Variants in LANCL2 observed in about 807,000 individuals in gnomAD.
LANCL2 encodes LanC like glutathione S-transferase 2.
LANCL2 carries 33 observed loss-of-function variants against 56.9 expected under a neutral mutation model. The observed-to-expected ratio is 0.58, with a 90% CI of 0.44 to 0.78. The LOEUF (loss-of-function observed/expected upper bound fraction) is 0.78. Among genes scored for constraint, LANCL2 ranks in the 30% least tolerant of loss-of-function variants. The probability of loss-of-function intolerance (pLI) is 0.00; values close to 1 mark genes in which losing one functional copy is unlikely to be tolerated. For missense variants in LANCL2, 562 were observed against 580.2 expected (o/e 0.97, Z 0.32); for synonymous variants, 233 against 228.2 (o/e 1.02, Z -0.19).
rs1443050068 is a variant in LANCL2 at position 55,432,967 on chromosome 7, G to A, written c.*1647G>A. On this transcript the variant is annotated 3_prime_UTR_variant, in exon 9 of 9. Transcript: ENST00000254770. The stretch of plus-strand genomic sequence containing the variant: ...AGGATGCTGTCGTCAATGAGCTGAG[G>A]GTAGCTGCTTTGCTGAAGACCTCAC... 1.3e-5 allele frequency: 2 copies of A among 152,248 alleles called. No individual in the cohort carries two copies. The highest frequency in any genetic ancestry group is 2.9e-5 in the Non-Finnish European group (2 of 68,054). The allele number at this position is 152,248 out of a possible 1,614,324, so 9.4% of individuals were successfully genotyped here. A position where few individuals can be genotyped will look rare whatever the true frequency, so the allele number is the denominator to read the frequency against.
intron 1 of LANCL2, among the ~76,000 whole-genome samples, chr7:55,366,497 G>A (rs954847369): frequency 2.6e-5 from 4 of 152,324 alleles, no homozygotes; most frequent in East Asian, 1.9e-4. Flanking sequence ...TTCTTGGCCC[G>A]AGCGGCGCTT....
intron 5 of LANCL2, among the ~76,000 whole-genome samples, chr7:55,409,894 A>T (rs1790453109): frequency 6.6e-6 from 1 of 152,230 alleles, no homozygotes; most frequent in Non-Finnish European, 1.5e-5. Flanking sequence ...AATTCAGTGT[A>T]TTTCCTGTTT....
intron 6 of LANCL2, among the ~76,000 whole-genome samples, chr7:55,419,056 T>G (rs1433223773): frequency 1.3e-5 from 2 of 152,134 alleles, no homozygotes; most frequent in African/African-American, 4.8e-5. Flanking sequence ...TTTATGTTTC[T>G]TAGTACATAT....
At chr7:55,374,193 T>C (rs191486385) in intron 1 of LANCL2, among the ~76,000 whole-genome samples, 1 of 150,628 alleles carries the variant, frequency 6.6e-6, no homozygotes, top group African/African-American at 2.5e-5. Flanking sequence ...TGGTTCTTTA[T>C]TGCAATTGTA....
chr7:55,428,137 C>G, intron 7 of LANCL2: 2 of 566,642 alleles, frequency 3.5e-6, no homozygotes, highest in Non-Finnish European at 3.2e-6. Flanking sequence ...TCGGTTTTCA[C>G]CTCGGACTTC....
intron 1 of LANCL2, among the ~76,000 whole-genome samples, chr7:55,381,571 C>T (rs1257000428): frequency 6.6e-6 from 1 of 152,196 alleles, no homozygotes; most frequent in Non-Finnish European, 1.5e-5. Context: ...ATTCCAGATG[C>T]AGGGCAAAGT....
At chr7:55,405,639 C>T (rs1790397369) in intron 5 of LANCL2, among the ~76,000 whole-genome samples, 1 of 151,480 alleles carries the variant, frequency 6.6e-6, no homozygotes, top group Admixed American at 6.6e-5. Flanking sequence ...CAGGCGTCCA[C>T]CACCATGCCT....
intron 1 of LANCL2, among the ~76,000 whole-genome samples, chr7:55,377,639 C>G (rs1562856976): frequency 1.3e-5 from 2 of 152,196 alleles, no homozygotes; most frequent in South Asian, 4.1e-4. Context: ...AGTGACACCT[C>G]ACAAGGGGTT....
At chr7:55,383,102 C>G (rs537325451) in intron 1 of LANCL2, among the ~76,000 whole-genome samples, 1 of 152,144 alleles carries the variant, frequency 6.6e-6, no homozygotes, top group Non-Finnish European at 1.5e-5. Flanking sequence ...ACTAAAAATA[C>G]AAAAAATTAG....
chr7:55,424,823 G>T (rs1790645567), intron 6 of LANCL2, among the ~76,000 whole-genome samples: 1 of 152,232 alleles, frequency 6.6e-6, no homozygotes, highest in Non-Finnish European at 1.5e-5. Flanking sequence ...TACTGTCTGA[G>T]CTCTGCCACC....
chr7:55,371,057 G>A (rs1240681624), intron 1 of LANCL2, among the ~76,000 whole-genome samples: 3 of 152,034 alleles, frequency 2.0e-5, no homozygotes, highest in Non-Finnish European at 4.4e-5. Context: ...TATTCACTTA[G>A]CGTGAATCCC....
intron 1 of LANCL2, 44 bp from the exon 2 acceptor site, chr7:55,391,749 C>T (rs1308033645): frequency 3.0e-6 from 3 of 1,016,710 alleles, no homozygotes; most frequent in Non-Finnish European, 4.7e-6. Flanking sequence ...GCAACATTGT[C>T]CCATTCTTGT....
chr7:55,394,733 C>T (rs1415428795), intron 2 of LANCL2, among the ~76,000 whole-genome samples: 2 of 151,484 alleles, frequency 1.3e-5, no homozygotes, highest in Non-Finnish European at 2.9e-5. Flanking sequence ...CTGAATCACT[C>T]CGACCCCACC....
intron 1 of LANCL2, among the ~76,000 whole-genome samples, chr7:55,391,298 G>A (rs1004661033): frequency 5.3e-5 from 8 of 152,096 alleles, no homozygotes; most frequent in Non-Finnish European, 8.8e-5. Context: ...GATTACAGGC[G>A]TGAGCCACCG....
At chr7:55,373,082 A>G (rs1405002) in intron 1 of LANCL2, among the ~76,000 whole-genome samples, 53,618 of 151,910 alleles carry the variant, frequency 0.35, 9,943 homozygotes, top group African/African-American at 0.43. Flanking sequence ...ATTGTCATCT[A>G]TCATAGCCTG....
chr7:55,414,947 GC>G, intron 6 of LANCL2, among the ~76,000 whole-genome samples: 1 of 128,556 alleles, frequency 7.8e-6, no homozygotes, highest in Non-Finnish European at 1.5e-5. Flanking sequence ...TCATGCCACT[GC>G]ACTCCAGCCT....
chr7:55,407,319 C>T (rs1272951141), intron 5 of LANCL2, among the ~76,000 whole-genome samples: 4 of 152,312 alleles, frequency 2.6e-5, no homozygotes, highest in African/African-American at 4.8e-5. Context: ...CCTCAGGCAC[C>T]GTCACCTCTC....
At chr7:55,385,206 G>T (rs1790111138) in intron 1 of LANCL2, among the ~76,000 whole-genome samples, 1 of 152,142 alleles carries the variant, frequency 6.6e-6, no homozygotes, top group Non-Finnish European at 1.5e-5. Context: ...AGTAACAGAG[G>T]TGATACCTGA....
chr7:55,424,800 C>G (rs1262481176), intron 6 of LANCL2, among the ~76,000 whole-genome samples: 2 of 152,182 alleles, frequency 1.3e-5, no homozygotes, highest in African/African-American at 4.8e-5. Context: ...CAGTCGCTCC[C>G]CATCACTTGC....
Sources: gnomAD v4.1 joint callset for allele counts (sites outside exome capture counted in the v4.1 genomes callset) on GRCh38, gnomAD v4.1.1 for gene constraint, MANE v1.5 for transcripts, NCBI Gene and HGNC (gene_info 2026-07-23, HGNC 2026-07-21) for gene names.